LMCD1: variants seen among roughly 807,000 people sequenced by gnomAD.
LMCD1 encodes LIM and cysteine-rich domains protein 1.
In LMCD1, 32 loss-of-function variants were observed where a neutral mutation model predicts 42.7. The observed-to-expected ratio is 0.75, with a 90% confidence interval of 0.57 to 1.01. LMCD1 has a LOEUF of 1.01. Ranked by LOEUF, LMCD1 falls within the 50% of genes least tolerant of loss-of-function variation. The pLI, the probability that LMCD1 is intolerant of heterozygous loss-of-function variation, is 0.00. For missense variants in LMCD1, 458 were observed against 483.1 expected, an observed-to-expected ratio of 0.95 and a Z score of 0.49; for synonymous variants, 178 against 184.9, an observed-to-expected ratio of 0.96 and a Z score of 0.30.
chr3:8,572,092 A>G lies in LMCD1; in HGVS notation c.*4494A>G, dbSNP rs1005195830. The stretch of plus-strand genomic sequence containing the variant: ...ATTTAGTTATCTTGTCTATTCTTCA[A>G]TTTGGAAGTGTTCTTTGTTCTTTCC... On this transcript the variant is annotated 3_prime_UTR_variant, in exon 6 of 6. Coordinates refer to ENST00000157600, the MANE Select transcript of LMCD1 (RefSeq NM_014583.4). 3 of 152,220 alleles carry G rather than the reference A, an allele frequency of 2.0e-5. No individual in the cohort carries two copies. Among genetic ancestry groups the G allele is most frequent in the African/African-American group, 7.2e-5 (3 of 41,454 alleles). The allele number at this position is 152,220 out of a possible 1,614,324, so 9.4% of individuals were successfully genotyped here. A position where few individuals can be genotyped will look rare whatever the true frequency, so the allele number is the denominator to read the frequency against.
intron 1 of LMCD1, among the ~76,000 whole-genome samples, chr3:8,503,455 A>G (rs1693808763): frequency 6.6e-6 from 1 of 152,214 alleles, no homozygotes; most frequent in Non-Finnish European, 1.5e-5. Context: ...TTCCCCTCCT[A>G]CAGAAATTAC....
intron 4 of LMCD1, among the ~76,000 whole-genome samples, chr3:8,552,793 G>C (rs545292347): frequency 6.6e-6 from 1 of 152,052 alleles, no homozygotes; most frequent in Non-Finnish European, 1.5e-5. Flanking sequence ...GCACAGTCTC[G>C]GCTCACTGCA....
At chr3:8,508,709 CA>C (rs558824718) in intron 1 of LMCD1, among the ~76,000 whole-genome samples, 186 of 152,300 alleles carry the variant, frequency 1.2e-3, no homozygotes, top group Non-Finnish European at 2.2e-3. Context: ...CTGAAATTTA[CA>C]AACTTACATT....
chr3:8,559,262 T>A (rs1574974670), intron 4 of LMCD1, among the ~76,000 whole-genome samples: 1 of 152,212 alleles, frequency 6.6e-6, no homozygotes, highest in African/African-American at 2.4e-5. Flanking sequence ...CAAACCTGCC[T>A]TCAACATATC....
chr3:8,523,083 T>C (rs913104089), intron 1 of LMCD1, among the ~76,000 whole-genome samples: 1 of 152,236 alleles, frequency 6.6e-6, no homozygotes, highest in Non-Finnish European at 1.5e-5. Context: ...TGTGTTCTCA[T>C]TCTGTTGCTT....
At position 8,533,580 on chromosome 3, in the gene LMCD1, G is replaced by T. The variant is rs140896968; in HGVS notation, c.131+755G>T. 3.3e-5 allele frequency among the ~76,000 whole-genome samples: 5 copies of T among 152,252 alleles called. No homozygotes were observed. In the East Asian group the frequency reaches 5.8e-4, roughly 18 times the overall value. On this transcript the variant is annotated intron_variant, in intron 2 of 5. Transcript: ENST00000157600. ...GTAGCGTTGCCTTGAGCGCTCAGTGGGGGGACAAAGTTTGGAAGGTGTTTT... is the reference window on the plus strand; with the variant it reads ...GTAGCGTTGCCTTGAGCGCTCAGTGTGGGGACAAAGTTTGGAAGGTGTTTT...
chr3:8,513,034 A>T (rs950117794), intron 1 of LMCD1, among the ~76,000 whole-genome samples: 1 of 152,152 alleles, frequency 6.6e-6, no homozygotes, highest in Non-Finnish European at 1.5e-5. Context: ...ACTGAGGAAC[A>T]CTCACACCTC....
intron 2 of LMCD1, among the ~76,000 whole-genome samples, chr3:8,533,902 A>G (rs942355128): frequency 6.6e-6 from 1 of 151,696 alleles, no homozygotes; most frequent in African/African-American, 2.4e-5. Flanking sequence ...GACAGTTCCC[A>G]ACCTCAGAGG....
In LMCD1 at chr3:8,501,888, C is replaced by T. The variant is rs1449229714; in HGVS notation, c.-51C>T. The T allele has an allele frequency of 6.4e-7, 1 of 1,553,532 alleles. No individual in the cohort carries two copies. The highest frequency in any genetic ancestry group is 1.2e-5 in the South Asian group (1 of 85,252). On this transcript the variant is annotated 5_prime_UTR_variant, in exon 1 of 6. Coordinates refer to ENST00000157600, the MANE Select transcript of LMCD1 (RefSeq NM_014583.4). Reference sequence around the variant, plus strand: ...GCCGCCGCTGTCCCCGCTGCGCGCCCTCGCGCCTCTGCCTGAGAAGCCAGG... The same window carrying T: ...GCCGCCGCTGTCCCCGCTGCGCGCCTTCGCGCCTCTGCCTGAGAAGCCAGG...
chr3:8,527,177 A>G (rs146068620), intron 1 of LMCD1, among the ~76,000 whole-genome samples: 1 of 152,356 alleles, frequency 6.6e-6, no homozygotes, highest in Non-Finnish European at 1.5e-5. Flanking sequence ...TGTGCCTGGC[A>G]CATAGGAAGT....
intron 4 of LMCD1, chr3:8,550,656 A>G (rs1342608720): frequency 1.0e-6 from 1 of 985,140 alleles, no homozygotes; most frequent in African/African-American, 1.7e-5. Flanking sequence ...ATTTCTCAGG[A>G]AGAATACATG....
chr3:8,526,522 A>G (rs1163874879), intron 1 of LMCD1, among the ~76,000 whole-genome samples: 1 of 152,194 alleles, frequency 6.6e-6, no homozygotes, highest in Non-Finnish European at 1.5e-5. Flanking sequence ...GTTAACTCAT[A>G]TGCAACCTAG....
intron 4 of LMCD1, among the ~76,000 whole-genome samples, chr3:8,549,265 G>T (rs1448364463): frequency 6.6e-6 from 1 of 152,120 alleles, no homozygotes; most frequent in East Asian, 1.9e-4. Context: ...TTGAGGGGAG[G>T]ATGTGTACCC....
chr3:8,561,302 C>T (rs546326288), intron 4 of LMCD1, among the ~76,000 whole-genome samples: 1 of 151,490 alleles, frequency 6.6e-6, no homozygotes, highest in African/African-American at 2.4e-5. Context: ...CATGTGGGCA[C>T]TTTATGTAAC....
At chr3:8,541,008 T>A (rs1328566274) in intron 3 of LMCD1, among the ~76,000 whole-genome samples, 1 of 152,120 alleles carries the variant, frequency 6.6e-6, no homozygotes, top group Admixed American at 6.5e-5. Context: ...TGGACTGGGG[T>A]TGACTTGTCA....
Position 8,531,578 on chromosome 3 carries a change from T to C in LMCD1, c.43-1159T>C, listed in dbSNP as rs184571936. 2.7e-4 allele frequency among the ~76,000 whole-genome samples: 41 copies of C among 152,290 alleles called. No individual in the cohort carries two copies. The East Asian group carries it at 7.5e-3, about 28-fold the overall frequency. ...GCCAATAAGTTACTGAAAAGCTCGATTTGGAATCCAAGTCTCTCAGACTCC... is the reference window on the plus strand; with the variant it reads ...GCCAATAAGTTACTGAAAAGCTCGACTTGGAATCCAAGTCTCTCAGACTCC... On this transcript the variant is annotated intron_variant, in intron 1 of 5. Coordinates refer to ENST00000157600, the MANE Select transcript of LMCD1 (RefSeq NM_014583.4).
chr3:8,533,464 A>G (rs577800519), intron 2 of LMCD1, among the ~76,000 whole-genome samples: 4 of 152,192 alleles, frequency 2.6e-5, no homozygotes, highest in Admixed American at 6.5e-5. Context: ...TGTGCAGGGA[A>G]CAGACTGTAA....
chr3:8,538,198 AG>A (rs1371733451), intron 3 of LMCD1, among the ~76,000 whole-genome samples: 1 of 152,200 alleles, frequency 6.6e-6, no homozygotes, highest in African/African-American at 2.4e-5. Flanking sequence ...GCACCAGATC[AG>A]GGCTCCTACA....
intron 4 of LMCD1, 77 bp downstream of exon 4, chr3:8,548,980 GCTTTGTT>G: frequency 1.8e-6 from 2 of 1,093,240 alleles, no homozygotes; most frequent in Middle Eastern, 2.6e-4. Flanking sequence ...CCATCACGGG[GCTTTGTT>G]CCCTCATTCA....
Sources: gnomAD v4.1 joint callset for allele counts (sites outside exome capture counted in the v4.1 genomes callset) on GRCh38, gnomAD v4.1.1 for gene constraint, MANE v1.5 for transcripts, NCBI Gene and HGNC (gene_info 2026-07-23, HGNC 2026-07-21) for gene names.